Variants in S100B observed in about 807,000 individuals in gnomAD.
The protein encoded by S100B is S100 calcium binding protein B.
S100B carries 6 observed loss-of-function variants against 7.7 expected under a neutral mutation model. The observed-to-expected ratio is 0.78, with a 90% CI of 0.43 to 1.54. The LOEUF (loss-of-function observed/expected upper bound fraction) is 1.54. Among genes scored for constraint, S100B ranks in the 40% most tolerant of loss-of-function variants. The pLI is 0.01. For missense variants in S100B, 99 were observed against 111.8 expected, an observed-to-expected ratio of 0.89 and a Z score of 0.52; for synonymous variants, 36 against 40.4, an observed-to-expected ratio of 0.89 and a Z score of 0.41.
intron 1 of S100B, chr21:46,602,660 A>G (rs1257187542): frequency 4.9e-6 from 2 of 405,802 alleles, no homozygotes; most frequent in African/African-American, 4.0e-5. Flanking sequence ...GGCCACGGGG[A>G]TATATTCCCA....
chr21:46,602,697 G>T (rs1018656894), intron 1 of S100B: 2 of 294,612 alleles, frequency 6.8e-6, no homozygotes, highest in Non-Finnish European at 1.3e-5. Flanking sequence ...GCTGGGTTGG[G>T]CCAACAGGGA....
Position 46,602,350 on chromosome 21 carries a change from C to A in S100B, c.66G>T (p.Glu22Asp). ...ATTTCTTCAGCTTGTGCTTGTCTCC[C>A]TCCCTTCCAGAATATTGGTGGAAAA... ...IDVFHQYSGR[E>D]GDKHKLKKSE... The change falls in exon 2 of 3, where the codon GAG (glutamate) becomes GAT (aspartate). Residue 22 changes from glutamate to aspartate, a missense_variant. Glu to Asp is a conservative substitution (Grantham distance 45). Transcript: ENST00000291700. The A allele has an allele frequency of 1.2e-6, 2 of 1,614,032 alleles. No individual in the cohort carries two copies. Among genetic ancestry groups the A allele is most frequent in the Admixed American group, 1.7e-5 (1 of 60,026 alleles).
In S100B at chr21:46,602,410, A is replaced by G. The variant is rs1450829645; in HGVS notation, c.6T>C (p.Ser2=). 3 of 1,613,052 alleles carry G rather than the reference A, an allele frequency of 1.9e-6. No individual in the cohort carries two copies. The highest frequency in any genetic ancestry group is 1.1e-5 in the South Asian group (1 of 90,954). ...GGGCCACCATGGCCTTCTCCAGCTC[A>G]GACATCCTAGGGGCTCGCAAAGGAA... is the stretch of plus-strand genomic sequence containing the variant. M[S]ELEKAMVALI... Residue 2 remains serine (S), a synonymous_variant, in exon 2 of 3, where the codon TCT becomes TCC. Transcript: ENST00000291700.
At position 46,599,352 on chromosome 21, in the gene S100B, G is replaced by A. The variant is rs1168608222; in HGVS notation, c.*11C>T. 5.0e-6 allele frequency: 8 copies of A among 1,612,462 alleles called. No homozygotes were observed. The highest frequency in any genetic ancestry group is 6.8e-6 in the Non-Finnish European group (8 of 1,179,350). Reference sequence around the variant, plus strand: ...TCTCTGTTACAGGAAAGGTTTGGCTGCTTTCTAATCTCACTCATGTTCAAA... The same window carrying A: ...TCTCTGTTACAGGAAAGGTTTGGCTACTTTCTAATCTCACTCATGTTCAAA... On this transcript the variant is annotated 3_prime_UTR_variant, in exon 3 of 3. Coordinates refer to ENST00000291700, the MANE Select transcript of S100B (RefSeq NM_006272.3).
chr21:46,603,057 T>A (rs1375301696), intron 1 of S100B, among the ~76,000 whole-genome samples: 1 of 152,118 alleles, frequency 6.6e-6, no homozygotes, highest in Non-Finnish European at 1.5e-5. Context: ...ACATAAAATG[T>A]AGGAAGTTTT....
intron 1 of S100B, among the ~76,000 whole-genome samples, chr21:46,603,871 G>C (rs2061050147): frequency 6.6e-6 from 1 of 152,092 alleles, no homozygotes; most frequent in Admixed American, 6.5e-5. Flanking sequence ...TTCACAAATA[G>C]AACAATTAAG....
chr21:46,603,398 T>TGGGGAGAGGGGGGGGCGGGGGGGGGGGG (rs2061047993), intron 1 of S100B, among the ~76,000 whole-genome samples: 1 of 52,070 alleles, frequency 1.9e-5, no homozygotes, highest in Non-Finnish European at 3.8e-5. Context: ...CGGGAGGGGG[T>TGGGGAGAGGGGGGGGCGGGGGGGGGGGG]GGGGGCAGGA....
At position 46,602,261 on chromosome 21, in the gene S100B, TA is replaced by T; in HGVS notation, c.138+16del. The stretch of plus-strand genomic sequence containing the variant: ...GAGGAGATGGAGAAAGTGTCAAGTT[TA>T]AAAAGCAAGACTCACCTCTAAGAAA... On this transcript the variant is annotated intron_variant, in intron 2 of 2. Coordinates refer to ENST00000291700, the MANE Select transcript of S100B (RefSeq NM_006272.3). 2 of 1,607,680 alleles carry T rather than the reference TA, an allele frequency of 1.2e-6. No individual in the cohort carries two copies. The highest frequency in any genetic ancestry group is 1.7e-6 in the Non-Finnish European group (2 of 1,176,814).
intron 1 of S100B, among the ~76,000 whole-genome samples, chr21:46,604,376 G>T (rs918218061): frequency 1.3e-5 from 2 of 152,206 alleles, no homozygotes; most frequent in Non-Finnish European, 2.9e-5. Flanking sequence ...TACCTAGCGT[G>T]TGAGGATCCC....
In S100B at chr21:46,599,484, A is replaced by C; in HGVS notation, c.158T>G (p.Val53Gly). Residue 53 changes from valine (V) to glycine (G), a missense_variant, in exon 3 of 3, where the codon GTT becomes GGT. Transcript: ENST00000291700. ...CAGTGTTTCCATGACTTTGTCCACA[A>C]CCTCCTGCTCTTTGATTTCCTAAGA... ...HFLEEIKEQE[V>G]VDKVMETLDN... The C allele has an allele frequency of 6.2e-7, 1 of 1,614,074 alleles. No homozygotes were observed.
At chr21:46,599,542 A>G (rs1457960015) in intron 2 of S100B, 39 bp from the exon 3 acceptor site, 16 of 1,604,724 alleles carry the variant, frequency 1.0e-5, no homozygotes, top group Non-Finnish European at 1.4e-5. Context: ...TTGTTTTTAA[A>G]TGGAATTTTG....
At chr21:46,603,044 G>A (rs1298530656) in intron 1 of S100B, among the ~76,000 whole-genome samples, 1 of 151,964 alleles carries the variant, frequency 6.6e-6, no homozygotes, top group Non-Finnish European at 1.5e-5. Context: ...GAGATTCTGA[G>A]GAACATAAAA....
intron 1 of S100B, among the ~76,000 whole-genome samples, chr21:46,603,635 T>C (rs954155051): frequency 5.3e-5 from 8 of 152,344 alleles, no homozygotes; most frequent in Non-Finnish European, 8.8e-5. Context: ...GTTTGCGCTG[T>C]CATAATTAAA....
chr21:46,603,338 A>C (rs954352803), intron 1 of S100B, among the ~76,000 whole-genome samples: 24 of 117,386 alleles, frequency 2.0e-4, no homozygotes, highest in Non-Finnish European at 3.4e-4. Flanking sequence ...CCTGCATTCC[A>C]CCTCCAGTGT....
chr21:46,600,972 T>C (rs980936386), intron 2 of S100B, among the ~76,000 whole-genome samples: 5 of 152,204 alleles, frequency 3.3e-5, no homozygotes, highest in Non-Finnish European at 7.3e-5. Flanking sequence ...GCTGTCACTC[T>C]GTCGGCTTGA....
At chr21:46,603,250 T>C (rs1472858565) in intron 1 of S100B, among the ~76,000 whole-genome samples, 1 of 151,568 alleles carries the variant, frequency 6.6e-6, no homozygotes, top group Non-Finnish European at 1.5e-5. Flanking sequence ...AAAAAATGTA[T>C]CCTAAGTTTA....
Position 46,598,849 on chromosome 21 carries a change from CAT to C in S100B, c.*512_*513del, listed in dbSNP as rs1424577426. The C allele has an allele frequency of 2.0e-5, 3 of 153,784 alleles. No homozygotes were observed. In the East Asian group the frequency reaches 5.8e-4, roughly 29 times the overall value. The allele number at this position is 153,784 out of a possible 1,614,324, so 9.5% of individuals were successfully genotyped here. A position where few individuals can be genotyped will look rare whatever the true frequency, so the allele number is the denominator to read the frequency against. On this transcript the variant is annotated 3_prime_UTR_variant, in exon 3 of 3. Coordinates refer to ENST00000291700, the MANE Select transcript of S100B (RefSeq NM_006272.3). ...TGAGCGTTCACCTGGTGATCAGGCG[CAT>C]CCCGGGAAGCAGGCCGAAGCCACCA... is the stretch of plus-strand genomic sequence containing the variant.
chr21:46,603,398 T>TGGGGGGAGGGGGGGGCGGGGGGGGGGGC lies in S100B; in HGVS notation c.-1-983_-1-982insGCCCCCCCCCCCGCCCCCCCCTCCCCCC. 1.7e-3 allele frequency among the ~76,000 whole-genome samples: 91 copies of TGGGGGGAGGGGGGGGCGGGGGGGGGGGC among 52,128 alleles called. 4 individuals carry two copies. The highest frequency in any genetic ancestry group is 5.5e-3 in the African/African-American group (78 of 14,132). 34.2% of individuals were successfully genotyped at this position (52,128 alleles called of 152,430 possible). ...CAGTGACTGGGACGGCGGGAGGGGG[T>TGGGGGGAGGGGGGGGCGGGGGGGGGGGC]GGGGGCAGGAATAGGTGTTTCTCTG... On this transcript the variant is annotated intron_variant, in intron 1 of 2. Coordinates refer to ENST00000291700, the MANE Select transcript of S100B (RefSeq NM_006272.3).
At chr21:46,603,395 G>GGGGGGCGGGGGGGA (rs1569137668) in intron 1 of S100B, among the ~76,000 whole-genome samples, 1 of 140,150 alleles carries the variant, frequency 7.1e-6, no homozygotes, top group Non-Finnish European at 1.6e-5. Flanking sequence ...CGGCGGGAGG[G>GGGGGGCGGGGGGGA]GGTGGGGGCA....
Sources: gnomAD v4.1 joint callset for allele counts (sites outside exome capture counted in the v4.1 genomes callset) on GRCh38, gnomAD v4.1.1 for gene constraint, MANE v1.5 for transcripts, NCBI Gene and HGNC (gene_info 2026-07-23, HGNC 2026-07-21) for gene names.